CYP19A1: variants seen among roughly 807,000 people sequenced by gnomAD.
The protein encoded by CYP19A1 is cytochrome P450 family 19 subfamily A member 1.
In CYP19A1, 32 loss-of-function variants were observed where a neutral mutation model predicts 44.4. That is an observed-to-expected ratio of 0.72 (90% CI 0.54 to 0.97). The LOEUF (loss-of-function observed/expected upper bound fraction) is 0.97. CYP19A1 is among the 50% of genes least tolerant of loss of function. The pLI is 0.00. For synonymous variants in CYP19A1, 212 were observed against 215.6 expected, an observed-to-expected ratio of 0.98 and a Z score of 0.14; for missense variants, 598 against 637.8, an observed-to-expected ratio of 0.94 and a Z score of 0.67.
chr15:51,332,414 T>C (rs1390294741), intron 1 of CYP19A1, among the ~76,000 whole-genome samples: 1 of 152,246 alleles, frequency 6.6e-6, no homozygotes, highest in Non-Finnish European at 1.5e-5. Flanking sequence ...CCTTTAGAAC[T>C]TTTTGTTCCA....
chr15:51,254,317 T>C (rs2034436819), intron 1 of CYP19A1, among the ~76,000 whole-genome samples: 1 of 152,248 alleles, frequency 6.6e-6, no homozygotes, highest in African/African-American at 2.4e-5. Flanking sequence ...TAGGTTTGAT[T>C]ATCCATCTTT....
intron 1 of CYP19A1, among the ~76,000 whole-genome samples, chr15:51,289,194 A>C (rs992095293): frequency 6.6e-6 from 1 of 152,234 alleles, no homozygotes; most frequent in African/African-American, 2.4e-5. Flanking sequence ...ATTTCAATGA[A>C]GGTAATTTAC....
At chr15:51,232,459 A>G (rs2033104474) in intron 3 of CYP19A1, among the ~76,000 whole-genome samples, 1 of 151,904 alleles carries the variant, frequency 6.6e-6, no homozygotes, top group Non-Finnish European at 1.5e-5. Context: ...ACCTATTTAC[A>G]CTAGAGGGTC....
rs367859093 is a variant in CYP19A1, at chr15:51,290,647, A to G, written c.-38-47697T>C. Among the ~76,000 whole-genome samples, 3 of 152,130 alleles carry G rather than the reference A, an allele frequency of 2.0e-5. No individual in the cohort carries two copies. In the East Asian group the frequency reaches 5.8e-4, roughly 29 times the overall value. Reference sequence around the variant, plus strand: ...ATCAATTAAGCAAGTGCTAGTTGCAAGATACATGCCTAAAGCCAGGGAAGA... The same window carrying G: ...ATCAATTAAGCAAGTGCTAGTTGCAGGATACATGCCTAAAGCCAGGGAAGA... On this transcript the variant is annotated intron_variant, in intron 1 of 9. Coordinates refer to ENST00000396402, the MANE Select transcript of CYP19A1 (RefSeq NM_000103.4).
chr15:51,278,367 G>A (rs2035400940), intron 1 of CYP19A1, among the ~76,000 whole-genome samples: 1 of 152,220 alleles, frequency 6.6e-6, no homozygotes, highest in African/African-American at 2.4e-5. Context: ...TGAACAGAGA[G>A]TAATATCATG....
chr15:51,211,632 A>C (rs1412231088), intron 9 of CYP19A1: 1 of 426,788 alleles, frequency 2.3e-6, no homozygotes, highest in Admixed American at 2.8e-5. Context: ...CCCGTGTAGA[A>C]ACAAAATGAA....
At chr15:51,243,694 G>A (rs192422122) in intron 1 of CYP19A1, among the ~76,000 whole-genome samples, 2 of 152,322 alleles carry the variant, frequency 1.3e-5, no homozygotes, top group African/African-American at 2.4e-5. Flanking sequence ...GGAAGAAAGA[G>A]AGAACAGGCA....
At chr15:51,245,439 C>T (rs180930610) in intron 1 of CYP19A1, among the ~76,000 whole-genome samples, 36 of 152,256 alleles carry the variant, frequency 2.4e-4, no homozygotes, top group Middle Eastern at 6.8e-3. Flanking sequence ...GTGCTGCACC[C>T]ACTAACTCGT....
chr15:51,276,921 C>T (rs928206467), intron 1 of CYP19A1, among the ~76,000 whole-genome samples: 6 of 151,950 alleles, frequency 3.9e-5, no homozygotes, highest in Non-Finnish European at 1.5e-5. Context: ...CATTACCAAG[C>T]TTTGTATTCA....
chr15:51,258,959 T>G (rs1320465037), intron 1 of CYP19A1, among the ~76,000 whole-genome samples: 1 of 152,100 alleles, frequency 6.6e-6, no homozygotes, highest in Non-Finnish European at 1.5e-5. Flanking sequence ...AGTGGGAAAG[T>G]CTTAGGAAGC....
chr15:51,231,423 T>C (rs746467865), intron 3 of CYP19A1, among the ~76,000 whole-genome samples: 28 of 152,124 alleles, frequency 1.8e-4, no homozygotes, highest in Non-Finnish European at 3.4e-4. Context: ...ACAATTTTCT[T>C]AACAGAAAGT....
intron 1 of CYP19A1, among the ~76,000 whole-genome samples, chr15:51,323,191 A>G (rs1229393218): frequency 6.6e-6 from 1 of 152,184 alleles, no homozygotes; most frequent in East Asian, 1.9e-4. Flanking sequence ...CTGAGAGTCC[A>G]GGCCCTTGGG....
chr15:51,285,509 G>GA (rs2035666606), intron 1 of CYP19A1, among the ~76,000 whole-genome samples: 1 of 152,156 alleles, frequency 6.6e-6, no homozygotes. Flanking sequence ...TGAGTGTTGG[G>GA]AAAAAAGCTG....
At chr15:51,328,923 C>T (rs1306170286) in intron 1 of CYP19A1, among the ~76,000 whole-genome samples, 1 of 152,194 alleles carries the variant, frequency 6.6e-6, no homozygotes, top group South Asian at 2.1e-4. Context: ...ATGCTGGCTT[C>T]TTCCTGCCTT....
intron 1 of CYP19A1, among the ~76,000 whole-genome samples, chr15:51,252,209 C>G (rs111779620): frequency 0.014 from 2,087 of 152,260 alleles, 26 homozygotes; most frequent in Non-Finnish European, 0.017. Flanking sequence ...CAGACCCATT[C>G]TAAGGATCCA....
rs150802726 is a variant in CYP19A1, at chr15:51,276,658, G to A, written c.-38-33708C>T. On this transcript the variant is annotated intron_variant, in intron 1 of 9. Transcript: ENST00000396402. ...GAAGGACAAACCTATATGCTTCTCT[G>A]TGATTTCATAGTGCATTGCTTTAAA... Among the ~76,000 whole-genome samples, 846 of 152,266 alleles carry A rather than the reference G, an allele frequency of 5.6e-3. 5 individuals are homozygous for A. Among genetic ancestry groups the A allele is most frequent in the Admixed American group, 0.016 (238 of 15,300 alleles).
chr15:51,221,005 G>C (rs2032030399), intron 5 of CYP19A1, among the ~76,000 whole-genome samples: 3 of 150,804 alleles, frequency 2.0e-5, no homozygotes, highest in Admixed American at 2.0e-4. Flanking sequence ...AGAGTGATTT[G>C]GGGGGATTTA....
intron 1 of CYP19A1, among the ~76,000 whole-genome samples, chr15:51,246,996 C>G (rs1390322811): frequency 6.6e-6 from 1 of 152,210 alleles, no homozygotes; most frequent in Non-Finnish European, 1.5e-5. Flanking sequence ...AGAGCTGACA[C>G]GTGACCTTAC....
At chr15:51,216,129 T>C (rs1185083936) in intron 6 of CYP19A1, 1 of 400,094 alleles carries the variant, frequency 2.5e-6, no homozygotes, top group Non-Finnish European at 4.4e-6. Flanking sequence ...ATTTCTGATT[T>C]GGCAGGCACA....
Sources: allele counts gnomAD v4.1 joint callset (sites outside exome capture counted in the v4.1 genomes callset), GRCh38; gene constraint gnomAD v4.1.1; transcripts MANE v1.5; gene names NCBI Gene and HGNC (gene_info 2026-07-23, HGNC 2026-07-21).